ERBB4: variants seen among roughly 807,000 people sequenced by gnomAD.
The protein encoded by ERBB4 is erb-b2 receptor tyrosine kinase 4.
ERBB4 carries 42 observed loss-of-function variants against 158.0 expected under a neutral mutation model. The observed-to-expected ratio is 0.27, with a 90% CI of 0.21 to 0.34. The LOEUF (loss-of-function observed/expected upper bound fraction) is 0.34. ERBB4 is among the 10% of genes least tolerant of loss of function. The probability of loss-of-function intolerance (pLI) is 1.00; values close to 1 mark genes in which losing one functional copy is unlikely to be tolerated. For missense variants in ERBB4, 1,333 were observed against 1,624.1 expected, an observed-to-expected ratio of 0.82 and a Z score of 3.08; for synonymous variants, 583 against 558.7, an observed-to-expected ratio of 1.04 and a Z score of -0.61.
At chr2:211,884,996 T>C (rs542943122) in intron 3 of ERBB4, among the ~76,000 whole-genome samples, 1 of 152,342 alleles carries the variant, frequency 6.6e-6, no homozygotes, top group East Asian at 1.9e-4. Context: ...GATTCTACTT[T>C]ACAAATATCA....
intron 3 of ERBB4, among the ~76,000 whole-genome samples, chr2:211,927,667 G>A (rs2125091126): frequency 6.6e-6 from 1 of 151,802 alleles, no homozygotes; most frequent in South Asian, 2.1e-4. Flanking sequence ...GAGTGAGGAA[G>A]ATAAAACCAG....
chr2:212,489,632 T>C (rs559787764), intron 1 of ERBB4, among the ~76,000 whole-genome samples: 197 of 151,924 alleles, frequency 1.3e-3, no homozygotes, highest in African/African-American at 4.5e-3. Context: ...CTCTAACGTA[T>C]GGTATATTTA....
At chr2:211,665,094 A>C (rs1212754122) in intron 15 of ERBB4, among the ~76,000 whole-genome samples, 1 of 152,204 alleles carries the variant, frequency 6.6e-6, no homozygotes, top group African/African-American at 2.4e-5. Context: ...TAGCTTCATG[A>C]AGGTGTTAAT....
chr2:211,849,093 A>G (rs948796061), intron 3 of ERBB4, among the ~76,000 whole-genome samples: 2 of 152,066 alleles, frequency 1.3e-5, no homozygotes, highest in African/African-American at 2.4e-5. Context: ...TGTGTATGTA[A>G]CCAATAAACC....
intron 3 of ERBB4, among the ~76,000 whole-genome samples, chr2:211,791,344 G>GA (rs2076275483): frequency 6.6e-6 from 1 of 151,854 alleles, no homozygotes; most frequent in African/African-American, 2.4e-5. Flanking sequence ...TTTTCCACAA[G>GA]TTTTATCAAA....
intron 2 of ERBB4, among the ~76,000 whole-genome samples, chr2:212,055,240 A>G (rs191717619): frequency 1.4e-4 from 21 of 152,308 alleles, no homozygotes; most frequent in Admixed American, 1.1e-3. Context: ...GGCAGCAGTG[A>G]GTCTGGGGAA....
chr2:211,727,234 C>A (rs1290093961), intron 5 of ERBB4, among the ~76,000 whole-genome samples: 1 of 152,068 alleles, frequency 6.6e-6, no homozygotes, highest in African/African-American at 2.4e-5. Flanking sequence ...TAGTACCCAC[C>A]TAATAGGATT....
intron 2 of ERBB4, among the ~76,000 whole-genome samples, chr2:212,034,725 A>T (rs907629759): frequency 6.6e-6 from 1 of 152,150 alleles, no homozygotes; most frequent in African/African-American, 2.4e-5. Flanking sequence ...TATAGTCAAG[A>T]TTCTTTAGCC....
At chr2:212,081,466 C>G (rs2078440924) in intron 2 of ERBB4, among the ~76,000 whole-genome samples, 1 of 152,266 alleles carries the variant, frequency 6.6e-6, no homozygotes, top group East Asian at 1.9e-4. Context: ...AATGCCATCA[C>G]ACTAAATCAA....
At chr2:211,466,290 T>C (rs1393877512) in intron 20 of ERBB4, among the ~76,000 whole-genome samples, 1 of 151,772 alleles carries the variant, frequency 6.6e-6, no homozygotes. Context: ...AAAAGGTGTC[T>C]TCCTACTACC....
intron 1 of ERBB4, among the ~76,000 whole-genome samples, chr2:212,320,825 A>C (rs998435594): frequency 6.6e-6 from 1 of 150,432 alleles, no homozygotes; most frequent in Non-Finnish European, 1.5e-5. Flanking sequence ...GAATCAAATG[A>C]AACAATTACA....
chr2:211,739,893 G>C (rs1454106902), intron 5 of ERBB4, among the ~76,000 whole-genome samples: 2 of 152,086 alleles, frequency 1.3e-5, no homozygotes, highest in African/African-American at 2.4e-5. Flanking sequence ...CAAAGCATGG[G>C]CATTTCTATC....
At chr2:211,553,063 T>C (rs1384017208) in intron 20 of ERBB4, among the ~76,000 whole-genome samples, 6 of 151,648 alleles carry the variant, frequency 4.0e-5, no homozygotes, top group Non-Finnish European at 7.4e-5. Flanking sequence ...CCACCTCCCA[T>C]GTTCAAGCGA....
chr2:212,301,449 T>C (rs763438670), intron 1 of ERBB4, among the ~76,000 whole-genome samples: 8 of 151,444 alleles, frequency 5.3e-5, no homozygotes, highest in Non-Finnish European at 1.0e-4. Context: ...AGCACTGTAA[T>C]ACATCTCACA....
At position 211,750,666 on chromosome 2, in the gene ERBB4, C is replaced by T. The variant is rs776002120; in HGVS notation, c.595G>A (p.Gly199Arg). ...GTCTGGCAATGATTTTCTGTGGGTC[C>T]CCAGCAACGGCCAGTACAGGACTTA... Reference protein sequence around the residue: ...CHKSCTGRCWGPTENHCQTLT... With the variant: ...CHKSCTGRCWRPTENHCQTLT... The change falls in exon 5 of 28, where the codon GGA (glycine) becomes AGA (arginine). Residue 199 changes from glycine (G) to arginine (R), a missense_variant. Physicochemically the swap from Gly to Arg is moderately radical, Grantham distance 125. Around this residue, in one of 5 missense-constraint regions of ERBB4, gnomAD observed 438 missense variants for 586.9 expected, o/e 0.75. Transcript: ENST00000342788. The T allele has an allele frequency of 1.9e-6, 3 of 1,613,964 alleles. No individual in the cohort carries two copies. The highest frequency in any genetic ancestry group is 2.2e-5 in the East Asian group (1 of 44,864).
chr2:211,478,904 A>G lies in ERBB4; in HGVS notation c.2488-47804T>C, dbSNP rs144475774. On this transcript the variant is annotated intron_variant, in intron 20 of 27. Coordinates refer to ENST00000342788, the MANE Select transcript of ERBB4 (RefSeq NM_005235.3). ...CAGCATAATATTGAAACTCCTCAGG[A>G]TGGTAATGTAAGGCTTCTTCATGCT... Among the ~76,000 whole-genome samples the G allele has an allele frequency of 2.6e-5, 4 of 152,268 alleles. No homozygotes were observed. In the East Asian group the frequency reaches 7.7e-4, roughly 29 times the overall value.
chr2:212,373,869 AT>A (rs1382573420), intron 1 of ERBB4, among the ~76,000 whole-genome samples: 2 of 124,172 alleles, frequency 1.6e-5, no homozygotes, highest in East Asian at 4.4e-4. Flanking sequence ...ATATCCATAT[AT>A]ATATATCCAT....
At chr2:211,514,335 G>C (rs1011323596) in intron 20 of ERBB4, among the ~76,000 whole-genome samples, 5 of 152,094 alleles carry the variant, frequency 3.3e-5, no homozygotes, top group African/African-American at 1.2e-4. Context: ...ATCAAAGTAA[G>C]GTCAGCTGAG....
At chr2:211,391,868 G>T (rs924056075) in intron 25 of ERBB4, among the ~76,000 whole-genome samples, 3 of 151,794 alleles carry the variant, frequency 2.0e-5, no homozygotes, top group African/African-American at 4.8e-5. Flanking sequence ...ATCTACTTTC[G>T]GAGGAAACAA....
Sources: gnomAD v4.1 joint callset for allele counts (sites outside exome capture counted in the v4.1 genomes callset) on GRCh38, gnomAD v4.1.1 for gene constraint, gnomAD v4.1.1 regional missense constraint, MANE v1.5 for transcripts, NCBI Gene and HGNC (gene_info 2026-07-23, HGNC 2026-07-21) for gene names.